ADGRV1: variants seen among roughly 807,000 people sequenced by gnomAD.
ADGRV1 encodes adhesion G protein-coupled receptor V1, also known as G-protein coupled receptor 98.
Under a neutral mutation model 596.2 loss-of-function variants are expected in ADGRV1, and 359 were observed. That is an observed-to-expected ratio of 0.60 (90% CI 0.55 to 0.66). The LOEUF (loss-of-function observed/expected upper bound fraction) is 0.66, where lower values mean the gene tolerates loss of function less well. Among genes scored for constraint, ADGRV1 ranks in the 30% least tolerant of loss-of-function variants. The probability of loss-of-function intolerance (pLI) is 0.00; values close to 1 mark genes in which losing one functional copy is unlikely to be tolerated. For missense variants in ADGRV1, 7,274 were observed against 7,575.6 expected (o/e 0.96, Z 1.48); for synonymous variants, 2,681 against 2,679.2 (o/e 1.00, Z -0.02).
At chr5:90,945,283 C>T (rs950300376) in intron 83 of ADGRV1, among the ~76,000 whole-genome samples, 9 of 151,416 alleles carry the variant, frequency 5.9e-5, no homozygotes, top group Non-Finnish European at 1.3e-4. Context: ...ATATTCTAAA[C>T]TGGTTACTTC....
intron 85 of ADGRV1, among the ~76,000 whole-genome samples, chr5:91,024,496 G>A (rs1337378184): frequency 6.6e-6 from 1 of 152,058 alleles, no homozygotes; most frequent in African/African-American, 2.4e-5. Context: ...CTGGGATTCA[G>A]TTAAAAGCAG....
chr5:90,914,133 T>C (rs1302932748), intron 83 of ADGRV1, among the ~76,000 whole-genome samples: 1 of 152,158 alleles, frequency 6.6e-6, no homozygotes, highest in Non-Finnish European at 1.5e-5. Context: ...ATGTGGGGTT[T>C]TTGCACATTT....
At chr5:91,030,975 C>A in intron 85 of ADGRV1, 1 of 1,294,400 alleles carries the variant, frequency 7.7e-7, no homozygotes. Flanking sequence ...GAAAAAACGT[C>A]GACTGATTTT....
At chr5:90,777,530 C>T (rs1758375182) in intron 61 of ADGRV1, among the ~76,000 whole-genome samples, 3 of 152,280 alleles carry the variant, frequency 2.0e-5, no homozygotes, top group Admixed American at 1.3e-4. Context: ...TATCCCTTCC[C>T]ATCAGCATGC....
In ADGRV1 at chr5:90,644,736, A is replaced by G. The variant is rs1753075938; in HGVS notation, c.2765A>G (p.Asn922Ser). 1.9e-6 allele frequency: 3 copies of G among 1,610,540 alleles called. No individual in the cohort carries two copies. The highest frequency in any genetic ancestry group is 4.5e-5 in the East Asian group (2 of 44,664). ...TATGATGTAGTAAGAAATCGAGGCA[A>G]CTTTGGTGATGTTAGTGTATCATGG... The part of the protein sequence containing the change: ...AVYDVVRNRG[N>S]FGDVSVSWVV... The change falls in exon 15 of 90, where the codon AAC (asparagine) becomes AGC (serine). Residue 922 changes from asparagine to serine, a missense_variant. Asn to Ser is a conservative substitution (Grantham distance 46). Transcript: ENST00000405460.
At chr5:90,930,709 T>C (rs1172755999) in intron 83 of ADGRV1, among the ~76,000 whole-genome samples, 1 of 152,214 alleles carries the variant, frequency 6.6e-6, no homozygotes, top group Non-Finnish European at 1.5e-5. Flanking sequence ...TAATTTTTAC[T>C]GCCCTAATCA....
chr5:90,873,135 A>G (rs937234972), intron 83 of ADGRV1, among the ~76,000 whole-genome samples: 4 of 152,162 alleles, frequency 2.6e-5, no homozygotes, highest in East Asian at 1.9e-4. Flanking sequence ...TCTTTTTCAT[A>G]TATCACATCC....
intron 50 of ADGRV1, among the ~76,000 whole-genome samples, chr5:90,742,974 G>T (rs887886818): frequency 6.6e-6 from 1 of 152,152 alleles, no homozygotes; most frequent in Non-Finnish European, 1.5e-5. Context: ...AATGAGTTTG[G>T]TTGGAATATG....
intron 34 of ADGRV1, among the ~76,000 whole-genome samples, chr5:90,700,512 G>A (rs16869013): frequency 0.2 from 30,809 of 152,058 alleles, 3,837 homozygotes; most frequent in East Asian, 0.41. Flanking sequence ...ATGGGACAAT[G>A]GATTTTACTG....
At chr5:91,007,675 C>A (rs183873582) in intron 85 of ADGRV1, among the ~76,000 whole-genome samples, 10 of 152,216 alleles carry the variant, frequency 6.6e-5, no homozygotes, top group Middle Eastern at 3.4e-3. Context: ...AGCCGTATCG[C>A]AAGTGAAAAT....
At chr5:90,654,488 G>C (rs1210331629) in intron 20 of ADGRV1, 1 of 164,570 alleles carries the variant, frequency 6.1e-6, no homozygotes, top group Non-Finnish European at 1.3e-5. Context: ...ATTCTACAGA[G>C]TGCTTTGAAG....
chr5:90,703,808 A>G lies in ADGRV1; in HGVS notation c.8286+13A>G, dbSNP rs1486897469. 2 of 1,563,184 alleles carry G rather than the reference A, an allele frequency of 1.3e-6. No homozygotes were observed. The highest frequency in any genetic ancestry group is 3.9e-5 in the Admixed American group (2 of 51,604). Reference sequence around the variant, plus strand: ...TTTCTTTCCTGAGGTAATACTGCAAAGAAAAGTCGATCACAAATATCTAGA... The same window carrying G: ...TTTCTTTCCTGAGGTAATACTGCAAGGAAAAGTCGATCACAAATATCTAGA... On this transcript the variant is annotated intron_variant, in intron 35 of 89. Coordinates refer to ENST00000405460, the MANE Select transcript of ADGRV1 (RefSeq NM_032119.4).
rs1750721479 is a variant in ADGRV1, at chr5:90,720,123, A to G, written c.9523A>G (p.Thr3175Ala). ...EYFVCTLFNP[T>A]GGARLGVHVQ... ...TTTTGTTTGCACCTTGTTTAATCCA[A>G]CTGGAGGTGCTAGACTAGGGGTGCA... The change falls in exon 44 of 90, where the codon ACT becomes GCT. Residue 3175 changes from threonine to alanine, a missense_variant. Physicochemically the swap from Thr to Ala is moderately conservative, Grantham distance 58. Transcript: ENST00000405460. 1 of 1,613,732 alleles carries G rather than the reference A, an allele frequency of 6.2e-7. No homozygotes were observed.
At chr5:90,862,996 C>T (rs1368731636) in intron 82 of ADGRV1, among the ~76,000 whole-genome samples, 1 of 152,136 alleles carries the variant, frequency 6.6e-6, no homozygotes, top group Non-Finnish European at 1.5e-5. Context: ...AAGCACATGG[C>T]AAAGCAGTAT....
intron 87 of ADGRV1, among the ~76,000 whole-genome samples, chr5:91,145,792 CAAG>C (rs1795487915): frequency 6.6e-6 from 1 of 152,052 alleles, no homozygotes; most frequent in Non-Finnish European, 1.5e-5. Context: ...GATGCCAACC[CAAG>C]AAGGGATCAT....
chr5:91,029,967 T>G (rs546659556), intron 85 of ADGRV1, among the ~76,000 whole-genome samples: 10 of 152,262 alleles, frequency 6.6e-5, no homozygotes, highest in African/African-American at 2.4e-4. Context: ...GGAATGTATT[T>G]TGTGAATGGT....
chr5:91,027,492 G>A (rs1301389538), intron 85 of ADGRV1, among the ~76,000 whole-genome samples: 1 of 152,104 alleles, frequency 6.6e-6, no homozygotes, highest in Non-Finnish European at 1.5e-5. Context: ...AGCATAAGAA[G>A]GAAAGTCAAA....
intron 43 of ADGRV1, chr5:90,717,538 G>A (rs1330588152): frequency 6.7e-6 from 1 of 148,292 alleles, no homozygotes; most frequent in East Asian, 2.0e-4. Context: ...AGGTTCAAGT[G>A]ATTCTGGAGT....
In ADGRV1 at chr5:91,153,214, T is replaced by C. The variant is rs7726023; in HGVS notation, c.18625-7T>C. The C allele has an allele frequency of 0.93, 1,489,878 of 1,597,782 alleles. 695,135 individuals are homozygous for C. The highest frequency in any genetic ancestry group is 0.94 in the Non-Finnish European group (1,101,496 of 1,171,810). ...GTTTCTTTTTCCCCCCATCCCAATC[T>C]AAAAAGGTGCCACCTGACTGGGAGA... On this transcript the variant is annotated splice_polypyrimidine_tract_variant and splice_region_variant and intron_variant, in intron 88 of 89. Coordinates refer to ENST00000405460, the MANE Select transcript of ADGRV1 (RefSeq NM_032119.4).
Sources: allele counts gnomAD v4.1 joint callset (sites outside exome capture counted in the v4.1 genomes callset), GRCh38; gene constraint gnomAD v4.1.1; transcripts MANE v1.5; gene names NCBI Gene and HGNC (gene_info 2026-07-23, HGNC 2026-07-21).